KNTC1: variants seen among roughly 807,000 people sequenced by gnomAD.
The protein encoded by KNTC1 is kinetochore-associated protein 1.
A neutral mutation model predicts 314.4 loss-of-function variants in KNTC1; 253 were observed. The ratio of observed to expected loss-of-function variants is 0.80; its 90% CI spans 0.73 to 0.89. The LOEUF is 0.89. KNTC1 is among the 40% of genes least tolerant of loss of function. The pLI is 0.00. For synonymous variants in KNTC1, 901 were observed against 901.4 expected (o/e 1.00, Z 0.01); for missense variants, 2,475 against 2,572.9 (o/e 0.96, Z 0.82).
chr12:122,612,970 T>TA (rs1292757943), intron 53 of KNTC1, 142 bp from the exon 54 acceptor site: 73 of 627,860 alleles, frequency 1.2e-4, no homozygotes, highest in South Asian at 3.9e-5. Context: ...GAACCACTGT[T>TA]ACACACAGTG....
chr12:122,549,106 T>C (rs1352370684), intron 12 of KNTC1, among the ~76,000 whole-genome samples: 2 of 152,170 alleles, frequency 1.3e-5, no homozygotes, highest in African/African-American at 4.8e-5. Context: ...GACAGGAGTG[T>C]GTGTAGTGGT....
At chr12:122,572,614 A>G (rs1402372265) in intron 24 of KNTC1, among the ~76,000 whole-genome samples, 2 of 152,004 alleles carry the variant, frequency 1.3e-5, no homozygotes, top group Admixed American at 6.6e-5. Flanking sequence ...TCTGGTTATG[A>G]TATATAATCT....
At chr12:122,619,346 A>G (rs11059008) in intron 59 of KNTC1, among the ~76,000 whole-genome samples, 30,363 of 150,698 alleles carry the variant, frequency 0.2, 3,487 homozygotes, top group East Asian at 0.46. Flanking sequence ...TAATATTTGT[A>G]GTTTTAGTAG....
At chr12:122,534,331 G>A (rs989062730) in intron 2 of KNTC1, among the ~76,000 whole-genome samples, 8 of 152,138 alleles carry the variant, frequency 5.3e-5, no homozygotes, top group East Asian at 1.9e-4. Flanking sequence ...GCGTATCCAC[G>A]ACACCAAGAC....
chr12:122,608,081 T>C (rs1387413145), intron 51 of KNTC1, among the ~76,000 whole-genome samples: 1 of 152,176 alleles, frequency 6.6e-6, no homozygotes, highest in African/African-American at 2.4e-5. Flanking sequence ...ACAAAATCTA[T>C]TTGTAAACAA....
chr12:122,616,593 G>A (rs920586307), intron 57 of KNTC1, among the ~76,000 whole-genome samples: 8 of 152,118 alleles, frequency 5.3e-5, no homozygotes, highest in Non-Finnish European at 1.0e-4. Flanking sequence ...TGTATGCTAT[G>A]TGTGTGCATA....
intron 9 of KNTC1, 118 bp downstream of exon 9, chr12:122,546,387 A>T (rs1160268756): frequency 2.9e-6 from 2 of 688,384 alleles, no homozygotes; most frequent in Non-Finnish European, 2.5e-6. Flanking sequence ...AACAAGCCAG[A>T]ATAGCTTGAT....
intron 49 of KNTC1, 70 bp downstream of exon 49, chr12:122,604,707 C>T: frequency 1.6e-6 from 2 of 1,276,262 alleles, no homozygotes; most frequent in Non-Finnish European, 2.3e-6. Context: ...AATTTACCTT[C>T]TCATGCTGCC....
Position 122,574,299 on chromosome 12 carries a change from C to T in KNTC1, c.2301C>T (p.Cys767=). ...CTTTTTAGGATTTACTGAATAGATG[C>T]AGCTCAAAGTCCACATCACTCTTTG... ...LLYIEDLLNR[C]SSKSTSLFET... Residue 767 remains cysteine, a synonymous_variant, in exon 27 of 64, where the codon TGC becomes TGT. Transcript: ENST00000333479. 1 of 1,603,080 alleles carries T rather than the reference C, an allele frequency of 6.2e-7. No individual in the cohort carries two copies. The highest frequency in any genetic ancestry group is 2.2e-5 in the East Asian group (1 of 44,820).
intron 16 of KNTC1, among the ~76,000 whole-genome samples, chr12:122,553,390 C>T (rs1239409455): frequency 6.6e-6 from 1 of 152,032 alleles, no homozygotes; most frequent in African/African-American, 2.4e-5. Context: ...CACAGTCGTG[C>T]ATGCTGGTAG....
At chr12:122,622,786 T>C (rs1874579619) in intron 62 of KNTC1, among the ~76,000 whole-genome samples, 179 bp downstream of exon 62, 1 of 151,906 alleles carries the variant, frequency 6.6e-6, no homozygotes, top group Non-Finnish European at 1.5e-5. Flanking sequence ...CTGTCTCTAC[T>C]AAAAATACAA....
chr12:122,586,719 T>TG lies in KNTC1; in HGVS notation c.3694dup (p.Glu1232GlyfsTer11). 6.7e-7 allele frequency: 1 copy of TG among 1,496,776 alleles called. No homozygotes were observed. Among genetic ancestry groups the TG allele is most frequent in the East Asian group, 2.5e-5 (1 of 40,456 alleles). 92.7% of individuals were successfully genotyped at this position (1,496,776 alleles called of 1,614,324 possible). A position where few individuals can be genotyped will look rare whatever the true frequency, so the allele number is the denominator to read the frequency against. ...TTTGTAGAAAGCAAGAGATATCCCT[T>TG]GGAGTCTACCAGTTTGCCATACTGC... On this transcript the variant is annotated frameshift_variant, in exon 38 of 64. Coordinates refer to ENST00000333479, the MANE Select transcript of KNTC1 (RefSeq NM_014708.6). LOFTEE classifies it high-confidence loss of function.
chr12:122,618,146 A>G (rs536346871), intron 57 of KNTC1, among the ~76,000 whole-genome samples, 197 bp from the exon 58 acceptor site: 6 of 152,158 alleles, frequency 3.9e-5, no homozygotes, highest in Non-Finnish European at 8.8e-5. Flanking sequence ...TAATTTTTGT[A>G]TTTTTAGTAG....
chr12:122,560,490 A>G (rs1963902742), intron 18 of KNTC1, among the ~76,000 whole-genome samples: 1 of 152,078 alleles, frequency 6.6e-6, no homozygotes, highest in South Asian at 2.1e-4. Flanking sequence ...CTCTCGCCTC[A>G]GCCTCCCAAG....
At chr12:122,585,054 T>C (rs1348646169) in intron 36 of KNTC1, 64 bp downstream of exon 36, 5 of 916,054 alleles carry the variant, frequency 5.5e-6, no homozygotes, top group Non-Finnish European at 7.0e-6. Flanking sequence ...TTTTTTTTTT[T>C]TCGGACAGGG....
chr12:122,609,327 G>A (rs1013510454), intron 51 of KNTC1, 57 bp from the exon 52 acceptor site: 1 of 1,003,908 alleles, frequency 1.0e-6, no homozygotes, highest in East Asian at 2.5e-5. Context: ...AGAGATGAAT[G>A]TTTGTTTAGT....
intron 19 of KNTC1, 45 bp from the exon 20 acceptor site, chr12:122,562,593 T>C: frequency 9.1e-7 from 1 of 1,101,362 alleles, no homozygotes; most frequent in Non-Finnish European, 1.4e-6. Flanking sequence ...TTAATTTCAA[T>C]ATTGTTGCAT....
intron 12 of KNTC1, among the ~76,000 whole-genome samples, chr12:122,548,539 C>T (rs140125694): frequency 3.3e-5 from 5 of 152,168 alleles, no homozygotes; most frequent in East Asian, 1.9e-4. Context: ...GTGACTCTTA[C>T]GTAGTTCTGG....
intron 5 of KNTC1, among the ~76,000 whole-genome samples, chr12:122,541,291 T>TG (rs745323270): frequency 0.049 from 2,903 of 59,226 alleles, 138 homozygotes; most frequent in African/African-American, 0.13. Context: ...CTGCCTGCCT[T>TG]CCTTCCTTCC....
Sources: allele counts gnomAD v4.1 joint callset (sites outside exome capture counted in the v4.1 genomes callset), GRCh38; gene constraint gnomAD v4.1.1; transcripts MANE v1.5; gene names NCBI Gene and HGNC (gene_info 2026-07-23, HGNC 2026-07-21).